Variants in SNX13 observed in about 807,000 individuals in gnomAD.
SNX13 encodes the protein sorting nexin-13.
In SNX13, 45 loss-of-function variants were observed where a neutral mutation model predicts 133.6. The observed-to-expected ratio is 0.34, with a 90% confidence interval of 0.27 to 0.43. The LOEUF is 0.43. Among genes scored for constraint, SNX13 ranks in the 20% least tolerant of loss-of-function variants. SNX13 has a pLI of 1.00. For synonymous variants in SNX13, 414 were observed against 373.9 expected (o/e 1.11, Z -1.24); for missense variants, 1,032 against 1,145.1 (o/e 0.90, Z 1.43).
At chr7:17,900,480 A>C (rs1583688696) in intron 1 of SNX13, among the ~76,000 whole-genome samples, 1 of 152,292 alleles carries the variant, frequency 6.6e-6, no homozygotes, top group African/African-American at 2.4e-5. Flanking sequence ...TCAGGAATCT[A>C]CCTGCTGCTC....
chr7:17,877,503 C>T (rs1046973024), intron 5 of SNX13, among the ~76,000 whole-genome samples: 2 of 151,988 alleles, frequency 1.3e-5, no homozygotes, highest in African/African-American at 4.8e-5. Flanking sequence ...GGCCATAGCT[C>T]ATTTAATCCA....
intron 8 of SNX13, among the ~76,000 whole-genome samples, chr7:17,871,287 G>A (rs911959618): frequency 6.6e-6 from 1 of 152,106 alleles, no homozygotes; most frequent in African/African-American, 2.4e-5. Flanking sequence ...TCACAGGCGT[G>A]AGCCACCGCG....
chr7:17,812,768 G>C (rs1786198276), intron 20 of SNX13, among the ~76,000 whole-genome samples: 1 of 152,106 alleles, frequency 6.6e-6, no homozygotes, highest in African/African-American at 2.4e-5. Context: ...ATGATAGACT[G>C]GATAAAGGAA....
chr7:17,839,698 T>C (rs1789639291), intron 13 of SNX13, 109 bp downstream of exon 13: 5 of 827,752 alleles, frequency 6.0e-6, no homozygotes, highest in Non-Finnish European at 7.2e-6. Context: ...TTGTTATCGA[T>C]TAAAGGAGAC....
intron 15 of SNX13, chr7:17,832,166 A>T (rs1788571188): frequency 3.0e-6 from 3 of 984,330 alleles, no homozygotes; most frequent in Non-Finnish European, 3.6e-6. Context: ...TCAGATCAAA[A>T]CCAGTTCCAA....
At position 17,793,926 on chromosome 7, in the gene SNX13, T is replaced by C; in HGVS notation, c.*119A>G. ...CACAGACTTATGGATGTATTAATAA[T>C]CTATTTTGAGACACTAAAAGACTGG... On this transcript the variant is annotated 3_prime_UTR_variant, in exon 26 of 26. Transcript: ENST00000428135. 2.8e-6 allele frequency: 3 copies of C among 1,069,000 alleles called. No individual in the cohort carries two copies. The highest frequency in any genetic ancestry group is 4.0e-6 in the Non-Finnish European group (3 of 751,032). 66.2% of individuals were successfully genotyped at this position (1,069,000 alleles called of 1,614,324 possible).
chr7:17,827,313 A>G (rs1427822423), intron 16 of SNX13, among the ~76,000 whole-genome samples: 1 of 152,006 alleles, frequency 6.6e-6, no homozygotes, highest in East Asian at 1.9e-4. Context: ...TATTTATATC[A>G]TTCACACATT....
At chr7:17,927,238 T>C (rs1726981971) in intron 1 of SNX13, among the ~76,000 whole-genome samples, 1 of 150,080 alleles carries the variant, frequency 6.7e-6, no homozygotes, top group South Asian at 2.1e-4. Context: ...TGTGTATATA[T>C]ATATATGTAT....
chr7:17,866,145 CA>C (rs1191905263), intron 9 of SNX13, among the ~76,000 whole-genome samples: 1 of 152,024 alleles, frequency 6.6e-6, no homozygotes, highest in African/African-American at 2.4e-5. Flanking sequence ...CAAATGAGAT[CA>C]CATCAAGCTA....
chr7:17,875,385 A>C, intron 7 of SNX13, 95 bp downstream of exon 7: 1 of 906,416 alleles, frequency 1.1e-6, no homozygotes, highest in Non-Finnish European at 1.7e-6. Context: ...ACCTGCCCTA[A>C]GTAAGAATAA....
At chr7:17,900,420 T>A (rs1461002487) in intron 1 of SNX13, among the ~76,000 whole-genome samples, 1 of 152,204 alleles carries the variant, frequency 6.6e-6, no homozygotes, top group African/African-American at 2.4e-5. Flanking sequence ...CTCCCATTCC[T>A]GGGCAGGTCA....
chr7:17,886,207 C>G (rs866871269), intron 5 of SNX13, among the ~76,000 whole-genome samples: 1 of 152,020 alleles, frequency 6.6e-6, no homozygotes, highest in Non-Finnish European at 1.5e-5. Flanking sequence ...AATCCTGAAA[C>G]CTATGTATCT....
At chr7:17,874,643 A>G (rs761303081) in intron 7 of SNX13, among the ~76,000 whole-genome samples, 1 of 152,234 alleles carries the variant, frequency 6.6e-6, no homozygotes, top group Non-Finnish European at 1.5e-5. Flanking sequence ...AACAATTTCA[A>G]CAACTAGAAG....
At chr7:17,798,978 C>T (rs766648012) in intron 23 of SNX13, 31 bp downstream of exon 23, 285 of 1,589,360 alleles carry the variant, frequency 1.8e-4, no homozygotes, top group South Asian at 7.2e-4. Flanking sequence ...TAAGTAAGAT[C>T]AGATTAAAAG....
At chr7:17,830,294 C>G (rs968019094) in intron 15 of SNX13, 1 of 983,612 alleles carries the variant, frequency 1.0e-6, no homozygotes, top group Non-Finnish European at 1.2e-6. Flanking sequence ...ATCAAAAAGG[C>G]ATTCGTGTTC....
intron 1 of SNX13, among the ~76,000 whole-genome samples, chr7:17,909,154 T>C (rs1439136033): frequency 6.6e-6 from 1 of 151,930 alleles, no homozygotes; most frequent in Admixed American, 6.6e-5. Context: ...AAACATGAGA[T>C]ACCATCTCAC....
At chr7:17,824,414 G>C (rs985130223) in intron 17 of SNX13, among the ~76,000 whole-genome samples, 17 of 152,122 alleles carry the variant, frequency 1.1e-4, no homozygotes, top group African/African-American at 3.9e-4. Context: ...AAGAGACTCT[G>C]AAGTCCAGTT....
intron 5 of SNX13, chr7:17,888,997 A>C (rs1193823957): frequency 1.4e-5 from 3 of 221,110 alleles, no homozygotes; most frequent in African/African-American, 7.1e-5. Context: ...ATAGTCAGGC[A>C]CAAGAATAAT....
intron 1 of SNX13, among the ~76,000 whole-genome samples, chr7:17,930,504 G>A (rs1562541589): frequency 6.6e-6 from 1 of 152,096 alleles, no homozygotes; most frequent in Non-Finnish European, 1.5e-5. Context: ...TTGTGTTAGT[G>A]CCTATTATAT....
Sources: gnomAD v4.1 joint callset for allele counts (sites outside exome capture counted in the v4.1 genomes callset) on GRCh38, gnomAD v4.1.1 for gene constraint, MANE v1.5 for transcripts, NCBI Gene and HGNC (gene_info 2026-07-23, HGNC 2026-07-21) for gene names.